PKHD1: variants seen among roughly 807,000 people sequenced by gnomAD.
The protein encoded by PKHD1 is PKHD1 ciliary IPT domain containing fibrocystin/polyductin.
PKHD1 carries 291 observed loss-of-function variants against 412.0 expected under a neutral mutation model. That is an observed-to-expected ratio of 0.71 (90% CI 0.64 to 0.78). PKHD1 has a LOEUF of 0.78. Among genes scored for constraint, PKHD1 ranks in the 30% least tolerant of loss-of-function variants. PKHD1 has a pLI of 0.00. For missense variants in PKHD1, 4,825 were observed against 4,950.7 expected, an observed-to-expected ratio of 0.97 and a Z score of 0.76; for synonymous variants, 1,777 against 1,821.5, an observed-to-expected ratio of 0.98 and a Z score of 0.62.
At chr6:51,907,654 TAA>T (rs1247095969) in intron 40 of PKHD1, among the ~76,000 whole-genome samples, 4 of 152,112 alleles carry the variant, frequency 2.6e-5, no homozygotes, top group African/African-American at 9.7e-5. Context: ...AAAATTAAAT[TAA>T]ATTTTTTAAA....
intron 63 of PKHD1, among the ~76,000 whole-genome samples, chr6:51,644,772 C>T (rs144454480): frequency 9.5e-4 from 144 of 152,228 alleles, no homozygotes; most frequent in African/African-American, 2.8e-3. Flanking sequence ...CTCCACCTCC[C>T]GGGTTCAAGC....
intron 60 of PKHD1, among the ~76,000 whole-genome samples, chr6:51,727,017 C>T (rs988298554): frequency 6.6e-6 from 1 of 152,050 alleles, no homozygotes; most frequent in Non-Finnish European, 1.5e-5. Flanking sequence ...AGATTCAAAG[C>T]ATGAGAGGCA....
intron 55 of PKHD1, among the ~76,000 whole-genome samples, chr6:51,761,820 A>G (rs769401781): frequency 6.1e-5 from 9 of 147,164 alleles, no homozygotes; most frequent in Non-Finnish European, 1.2e-4. Context: ...TGAAAATTCA[A>G]TGAGATAAGA....
intron 61 of PKHD1, among the ~76,000 whole-genome samples, chr6:51,653,769 CA>C (rs1425625467): frequency 1.3e-5 from 2 of 152,054 alleles, no homozygotes; most frequent in Non-Finnish European, 2.9e-5. Flanking sequence ...GTGGGTTTAA[CA>C]GGGCACAAGG....
intron 51 of PKHD1, among the ~76,000 whole-genome samples, chr6:51,834,186 CAGA>C (rs1159275830): frequency 1.3e-5 from 2 of 152,018 alleles, no homozygotes; most frequent in Non-Finnish European, 2.9e-5. Flanking sequence ...AGGCACTGAA[CAGA>C]AGAAGCCAGT....
intron 37 of PKHD1, among the ~76,000 whole-genome samples, chr6:51,933,496 CTAAG>C (rs1267984181): frequency 6.6e-6 from 1 of 152,196 alleles, no homozygotes; most frequent in African/African-American, 2.4e-5. Flanking sequence ...TCAGTACATG[CTAAG>C]TAATTGTATC....
chr6:51,946,483 T>C (rs1329309335), intron 36 of PKHD1, among the ~76,000 whole-genome samples: 1 of 152,264 alleles, frequency 6.6e-6, no homozygotes, highest in East Asian at 1.9e-4. Flanking sequence ...CCTCACACTT[T>C]ATTAGTTTAA....
chr6:51,826,311 C>G (rs1767311530), intron 52 of PKHD1, among the ~76,000 whole-genome samples: 1 of 152,162 alleles, frequency 6.6e-6, no homozygotes, highest in Non-Finnish European at 1.5e-5. Flanking sequence ...CTCTCCCATT[C>G]ATGTCTTCAA....
intron 60 of PKHD1, among the ~76,000 whole-genome samples, chr6:51,701,243 A>G (rs2150702548): frequency 6.6e-6 from 1 of 152,252 alleles, no homozygotes; most frequent in South Asian, 2.1e-4. Flanking sequence ...CATGGTGAGT[A>G]TCACTGGTAA....
intron 60 of PKHD1, among the ~76,000 whole-genome samples, chr6:51,702,147 A>G (rs1357160149): frequency 6.8e-6 from 1 of 147,206 alleles, no homozygotes; most frequent in Non-Finnish European, 1.5e-5. Context: ...AATACATATT[A>G]TTATATATTA....
At position 51,752,385 on chromosome 6, in the gene PKHD1, C is replaced by T. The variant is rs116624000; in HGVS notation, c.8950+816G>A. Among the ~76,000 whole-genome samples, 260 of 152,230 alleles carry T rather than the reference C, an allele frequency of 1.7e-3. 2 individuals carry two copies. Among genetic ancestry groups the T allele is most frequent in the African/African-American group, 5.9e-3 (246 of 41,524 alleles). ...TATTGCCAAATATCACCTGGGGTAG[C>T]GGGCAGAAATCACCACTGATAACGG... On this transcript the variant is annotated intron_variant, in intron 57 of 66. Coordinates refer to ENST00000371117, the MANE Select transcript of PKHD1 (RefSeq NM_138694.4).
intron 52 of PKHD1, among the ~76,000 whole-genome samples, chr6:51,795,025 A>G (rs185922444): frequency 6.6e-6 from 1 of 152,200 alleles, no homozygotes; most frequent in East Asian, 1.9e-4. Flanking sequence ...GTTTGGTTTT[A>G]TATGAAGTTT....
In PKHD1 at chr6:51,886,954, C is replaced by T. The variant is rs189259342; in HGVS notation, c.7109+179G>A. On this transcript the variant is annotated intron_variant, in intron 44 of 66. Coordinates refer to ENST00000371117, the MANE Select transcript of PKHD1 (RefSeq NM_138694.4). ...ATCTCCAAACTCATCAAGTTGCATA[C>T]ATTAAATATGGACAGCTTTTTGTAT... is the stretch of plus-strand genomic sequence containing the variant. Among the ~76,000 whole-genome samples the T allele has an allele frequency of 1.3e-3, 204 of 152,260 alleles. 2 individuals are homozygous for T. Among genetic ancestry groups the T allele is most frequent in the African/African-American group, 4.7e-3 (195 of 41,540 alleles).
chr6:51,722,056 A>T (rs1330330513), intron 60 of PKHD1: 2 of 1,613,410 alleles, frequency 1.2e-6, no homozygotes, highest in Non-Finnish European at 1.7e-6. Flanking sequence ...CAGACATTGA[A>T]GGCTCTCCAA....
rs180783935 is a variant in PKHD1, at chr6:51,651,326, G to A, written c.11175-2106C>T. ...GACCGTAGGTGGTACTGTTTTTTAC[G>A]ATATGTTATAATAGTGCAATAAATC... On this transcript the variant is annotated intron_variant, in intron 61 of 66. Transcript: ENST00000371117. 3.3e-5 allele frequency among the ~76,000 whole-genome samples: 5 copies of A among 152,188 alleles called. No homozygotes were observed. The East Asian group carries it at 5.8e-4, about 18-fold the overall frequency.
rs1771525418 is a variant in PKHD1 at position 51,848,049 on chromosome 6, G to A, written c.7912-79C>T. ...TCCACCTACTCCACCACACCACCCT[G>A]CCAAAACAACTACAGAGAACGCAGA... On this transcript the variant is annotated intron_variant, in intron 49 of 66. Coordinates refer to ENST00000371117, the MANE Select transcript of PKHD1 (RefSeq NM_138694.4). 3.2e-6 allele frequency: 3 copies of A among 941,062 alleles called. No individual in the cohort carries two copies. In the East Asian group the frequency reaches 7.2e-5, roughly 23 times the overall value. The allele number at this position is 941,062 out of a possible 1,614,324, so 58.3% of individuals were successfully genotyped here. A position where few individuals can be genotyped will look rare whatever the true frequency, so the allele number is the denominator to read the frequency against.
intron 50 of PKHD1, among the ~76,000 whole-genome samples, chr6:51,841,685 T>C (rs1010693707): frequency 1.3e-5 from 2 of 152,098 alleles, no homozygotes; most frequent in African/African-American, 4.8e-5. Flanking sequence ...GGCTGCAGAG[T>C]TGCAAAAAGA....
Position 51,909,400 on chromosome 6 carries a change from C to T in PKHD1, c.6565G>A (p.Val2189Ile), listed in dbSNP as rs142552070. 3.9e-5 allele frequency: 63 copies of T among 1,613,248 alleles called. No homozygotes were observed. The highest frequency in any genetic ancestry group is 1.9e-4 in the South Asian group (17 of 91,070). ...CTGGGCTCTTCTGGGAAGGACTGAACGATCACTCTGGCTCCCATATCCCTG... is the reference window on the plus strand; with the variant it reads ...CTGGGCTCTTCTGGGAAGGACTGAATGATCACTCTGGCTCCCATATCCCTG... ...GSRDMGARVIVQSFPEEPSQV... is the reference protein window; with the variant it reads ...GSRDMGARVIIQSFPEEPSQV... Residue 2189 changes from valine (V) to isoleucine (I), a missense_variant, in exon 40 of 67, where the codon GTT (valine) becomes ATT (isoleucine). By Grantham distance (29) the Val-to-Ile change is conservative (BLOSUM62 3). Coordinates refer to ENST00000371117, the MANE Select transcript of PKHD1 (RefSeq NM_138694.4).
chr6:51,706,245 A>G (rs1582189008), intron 60 of PKHD1, among the ~76,000 whole-genome samples: 1 of 152,070 alleles, frequency 6.6e-6, no homozygotes, highest in African/African-American at 2.4e-5. Flanking sequence ...TTCTGATCAT[A>G]GGTCCACAGG....
Sources: allele counts gnomAD v4.1 joint callset (sites outside exome capture counted in the v4.1 genomes callset), GRCh38; gene constraint gnomAD v4.1.1; transcripts MANE v1.5; gene names NCBI Gene and HGNC (gene_info 2026-07-23, HGNC 2026-07-21).